The following SLMAP variants were observed in gnomAD, a reference collection of about 807,000 sequenced individuals.
SLMAP encodes sarcolemmal membrane-associated protein.
Under a neutral mutation model 128.8 loss-of-function variants are expected in SLMAP, and 44 were observed. The observed-to-expected ratio is 0.34, with a 90% CI of 0.27 to 0.44. The LOEUF is 0.44. SLMAP is among the 20% of genes least tolerant of loss of function. The pLI, the probability that SLMAP is intolerant of heterozygous loss-of-function variation, is 1.00. For synonymous variants in SLMAP, 327 were observed against 348.8 expected, an observed-to-expected ratio of 0.94 and a Z score of 0.70; for missense variants, 787 against 985.3, an observed-to-expected ratio of 0.80 and a Z score of 2.69.
At chr3:57,916,569 T>C (rs770307145) in intron 21 of SLMAP, among the ~76,000 whole-genome samples, 1 of 152,032 alleles carries the variant, frequency 6.6e-6, no homozygotes, top group Non-Finnish European at 1.5e-5. Context: ...TGTTGAAACA[T>C]GTGTGTTCTT....
chr3:57,869,627 C>CTGT, intron 13 of SLMAP, among the ~76,000 whole-genome samples: 1 of 40,154 alleles, frequency 2.5e-5, no homozygotes, highest in Non-Finnish European at 4.6e-5. Context: ...GATCCCATCT[C>CTGT]TATTATATAT....
At chr3:57,802,955 C>T (rs1261602185) in intron 2 of SLMAP, among the ~76,000 whole-genome samples, 1 of 152,124 alleles carries the variant, frequency 6.6e-6, no homozygotes, top group Non-Finnish European at 1.5e-5. Context: ...TAGCACTATA[C>T]TTGAGAAGAA....
chr3:57,896,854 AT>A lies in SLMAP; in HGVS notation c.1442-12del, dbSNP rs2096255362. 13 of 1,584,500 alleles carry A rather than the reference AT, an allele frequency of 8.2e-6. No individual in the cohort carries two copies. The highest frequency in any genetic ancestry group is 1.0e-5 in the Non-Finnish European group (12 of 1,170,482). ...GAATACTGTCTGTAATTATATATGT[AT>A]TTTTTTCCTCTCTGTAGACGCCCAA... On this transcript the variant is annotated intron_variant, in intron 16 of 24. Transcript: ENST00000671191.
chr3:57,899,342 G>T (rs1325567318), intron 17 of SLMAP: 1 of 152,200 alleles, frequency 6.6e-6, no homozygotes, highest in East Asian at 1.9e-4. Context: ...GGAGCTGGCG[G>T]CCTGTGTGCA....
intron 17 of SLMAP, among the ~76,000 whole-genome samples, chr3:57,904,481 ATACCTC>A (rs1359686416): frequency 1.3e-5 from 2 of 152,236 alleles, no homozygotes; most frequent in Non-Finnish European, 2.9e-5. Context: ...TTATGCTTAA[ATACCTC>A]AGTATACATT....
chr3:57,923,628 G>A (rs1342199778), intron 23 of SLMAP, among the ~76,000 whole-genome samples: 2 of 152,204 alleles, frequency 1.3e-5, no homozygotes, highest in Non-Finnish European at 2.9e-5. Flanking sequence ...TAAATGTTGT[G>A]TTGTACGTTT....
At position 57,857,786 on chromosome 3, in the gene SLMAP, G is replaced by A. The variant is rs1262929340; in HGVS notation, c.573G>A (p.Arg191=). The A allele has an allele frequency of 6.2e-7, 1 of 1,613,768 alleles. No homozygotes were observed. The highest frequency in any genetic ancestry group is 1.7e-5 in the Admixed American group (1 of 60,008). The change falls in exon 7 of 25, where the codon CGG becomes CGA. Residue 191 remains arginine, a synonymous_variant. Transcript: ENST00000671191. ...MLEQKLATLQ[R]LLAITQEASD... is the part of the protein sequence containing the mutation. ...AACAGAAGTTAGCCACGCTTCAGCG[G>A]CTACTAGCCATCACCCAAGAGGCTT...
chr3:57,759,581 A>G (rs923944228), intron 2 of SLMAP, among the ~76,000 whole-genome samples: 1 of 152,106 alleles, frequency 6.6e-6, no homozygotes, highest in Admixed American at 6.5e-5. Flanking sequence ...TGGCCCTCAT[A>G]ATTCTTTAAA....
At chr3:57,914,349 A>C (rs1320679938) in intron 21 of SLMAP, among the ~76,000 whole-genome samples, 1 of 152,188 alleles carries the variant, frequency 6.6e-6, no homozygotes, top group African/African-American at 2.4e-5. Context: ...AGCCATGATC[A>C]CACCACTGTA....
chr3:57,797,409 G>A (rs1467077697), intron 2 of SLMAP, among the ~76,000 whole-genome samples: 10 of 151,378 alleles, frequency 6.6e-5, no homozygotes, highest in African/African-American at 2.2e-4. Flanking sequence ...GCTTGAACCC[G>A]GGAGGTGGAG....
chr3:57,889,980 C>T, intron 14 of SLMAP, 61 bp from the exon 15 acceptor site: 1 of 1,170,936 alleles, frequency 8.5e-7, no homozygotes, highest in South Asian at 1.2e-5. Context: ...GTTACACTGC[C>T]CAGCTCAGGG....
intron 2 of SLMAP, among the ~76,000 whole-genome samples, chr3:57,813,245 G>A (rs1220105923): frequency 4.0e-5 from 6 of 151,888 alleles, no homozygotes; most frequent in African/African-American, 1.2e-4. Flanking sequence ...ACAGGCATGC[G>A]CCACTGTGCC....
At chr3:57,857,984 G>T (rs775826235) in intron 7 of SLMAP, 104 bp from the exon 8 acceptor site, 2 of 936,478 alleles carry the variant, frequency 2.1e-6, no homozygotes, top group African/African-American at 3.3e-5. Context: ...ATGCTGGTCA[G>T]TTTTACGCTT....
chr3:57,828,276 A>T (rs901730059), intron 2 of SLMAP, among the ~76,000 whole-genome samples: 9 of 152,160 alleles, frequency 5.9e-5, no homozygotes, highest in Non-Finnish European at 1.3e-4. Flanking sequence ...ACATTTTTAT[A>T]CCTTAGAAAC....
chr3:57,830,017 G>C (rs900727102), intron 2 of SLMAP, among the ~76,000 whole-genome samples: 4 of 152,130 alleles, frequency 2.6e-5, no homozygotes, highest in Non-Finnish European at 5.9e-5. Context: ...ATAAATGAAA[G>C]TAGTAATATC....
chr3:57,805,797 T>C (rs1329319057), intron 2 of SLMAP, among the ~76,000 whole-genome samples: 1 of 152,184 alleles, frequency 6.6e-6, no homozygotes, highest in Non-Finnish European at 1.5e-5. Flanking sequence ...CTCAGTCTCA[T>C]ACATCACATA....
In SLMAP at chr3:57,871,709, A is replaced by C; in HGVS notation, c.1300+11A>C. The C allele has an allele frequency of 6.3e-7, 1 of 1,597,162 alleles. No homozygotes were observed. Among genetic ancestry groups the C allele is most frequent in the South Asian group, 1.1e-5 (1 of 90,240 alleles). Reference sequence around the variant, plus strand: ...TCATAGAATGCCAGAGTGAGTACAGAGTATTTTTCACATTGATTTTAATGA... The same window carrying C: ...TCATAGAATGCCAGAGTGAGTACAGCGTATTTTTCACATTGATTTTAATGA... On this transcript the variant is annotated intron_variant, in intron 14 of 24. Coordinates refer to ENST00000671191, the MANE Select transcript of SLMAP (RefSeq NM_001377540.1).
At chr3:57,901,102 A>G (rs141394063) in intron 17 of SLMAP, 46 of 152,310 alleles carry the variant, frequency 3.0e-4, no homozygotes, top group African/African-American at 9.9e-4. Flanking sequence ...TCCTCACTCT[A>G]TCAGTTATAC....
intron 14 of SLMAP, among the ~76,000 whole-genome samples, chr3:57,872,505 G>T (rs2095506169): frequency 6.6e-6 from 1 of 152,076 alleles, no homozygotes; most frequent in African/African-American, 2.4e-5. Context: ...TATAATCCCA[G>T]CTTCTTGGGA....
Sources: gnomAD v4.1 joint callset for allele counts (sites outside exome capture counted in the v4.1 genomes callset) on GRCh38, gnomAD v4.1.1 for gene constraint, MANE v1.5 for transcripts, NCBI Gene and HGNC (gene_info 2026-07-23, HGNC 2026-07-21) for gene names.